NR2C1: variants seen among roughly 807,000 people sequenced by gnomAD.
NR2C1 encodes the protein nuclear receptor subfamily 2 group C member 1, also known as TR2 nuclear hormone receptor.
In NR2C1, 33 loss-of-function variants were observed where a neutral mutation model predicts 74.8. The observed-to-expected ratio is 0.44, with a 90% CI of 0.33 to 0.59. The LOEUF (loss-of-function observed/expected upper bound fraction) is 0.59, where lower values mean the gene tolerates loss of function less well. NR2C1 is among the 20% of genes least tolerant of loss of function. The probability of loss-of-function intolerance (pLI) is 0.02; values close to 1 mark genes in which losing one functional copy is unlikely to be tolerated. For synonymous variants in NR2C1, 225 were observed against 240.6 expected (o/e 0.94, Z 0.60); for missense variants, 568 against 715.6 (o/e 0.79, Z 2.35).
chr12:95,041,414 G>A (rs766968240), intron 9 of NR2C1, among the ~76,000 whole-genome samples: 14 of 152,114 alleles, frequency 9.2e-5, no homozygotes, highest in Non-Finnish European at 1.6e-4. Flanking sequence ...CCTGGGAAGT[G>A]GAGGTTGCAG....
intron 2 of NR2C1, among the ~76,000 whole-genome samples, chr12:95,065,885 G>A (rs1357014330): frequency 1.3e-5 from 2 of 151,706 alleles, no homozygotes; most frequent in Non-Finnish European, 2.9e-5. Flanking sequence ...GGGAGGCGGA[G>A]GTTGCAGTGA....
At chr12:95,070,693 T>G (rs1279867620) in intron 1 of NR2C1, among the ~76,000 whole-genome samples, 4 of 152,194 alleles carry the variant, frequency 2.6e-5, no homozygotes, top group Non-Finnish European at 5.9e-5. Flanking sequence ...TTTTAACCCC[T>G]TCCCTTGGTA....
chr12:95,060,513 G>C (rs995826995), intron 3 of NR2C1, among the ~76,000 whole-genome samples: 2 of 152,150 alleles, frequency 1.3e-5, no homozygotes, highest in African/African-American at 4.8e-5. Flanking sequence ...AAATTAGCTG[G>C]GTGTGGTGGA....
chr12:95,067,444 A>G lies in NR2C1; in HGVS notation c.-7-53T>C, dbSNP rs187723737. On this transcript the variant is annotated intron_variant, in intron 1 of 13. Coordinates refer to ENST00000333003, the MANE Select transcript of NR2C1 (RefSeq NM_003297.4). Reference sequence around the variant, plus strand: ...ATTAAACTCACAAAACACTCTTATTAAATAATTTACAAATAAAACTATATG... The same window carrying G: ...ATTAAACTCACAAAACACTCTTATTGAATAATTTACAAATAAAACTATATG... 16 of 1,252,678 alleles carry G rather than the reference A, an allele frequency of 1.3e-5. No individual in the cohort carries two copies. In the East Asian group the frequency reaches 2.7e-4, roughly 21 times the overall value. 77.6% of individuals were successfully genotyped at this position (1,252,678 alleles called of 1,614,324 possible).
intron 11 of NR2C1, among the ~76,000 whole-genome samples, chr12:95,029,860 C>T (rs1468981981): frequency 1.3e-5 from 2 of 151,946 alleles, no homozygotes; most frequent in Non-Finnish European, 2.9e-5. Flanking sequence ...CCCAACACCC[C>T]CCTCCCCACC....
At chr12:95,057,098 ATT>A (rs1184465413) in intron 7 of NR2C1, among the ~76,000 whole-genome samples, 15,480 of 110,450 alleles carry the variant, frequency 0.14, 706 homozygotes, top group Middle Eastern at 0.22. Flanking sequence ...AACATTTCTG[ATT>A]TTTTTTTTTT....
intron 10 of NR2C1, among the ~76,000 whole-genome samples, chr12:95,036,645 G>A (rs1870885454): frequency 6.6e-6 from 1 of 151,798 alleles, no homozygotes; most frequent in Non-Finnish European, 1.5e-5. Flanking sequence ...TGCGTAGCTG[G>A]GATTACAGGC....
chr12:95,073,148 C>A (rs1269452871), intron 1 of NR2C1: 1 of 153,338 alleles, frequency 6.5e-6, no homozygotes, highest in Non-Finnish European at 1.5e-5. Flanking sequence ...GTCCCGCCGC[C>A]CCTGTCGCCC....
At chr12:95,053,102 G>A (rs1247332397) in intron 7 of NR2C1, among the ~76,000 whole-genome samples, 2 of 151,780 alleles carry the variant, frequency 1.3e-5, no homozygotes, top group African/African-American at 4.8e-5. Context: ...TCCCACCTCA[G>A]CCTCCTGACT....
chr12:95,030,564 T>C, intron 11 of NR2C1: 8 of 1,613,056 alleles, frequency 5.0e-6, no homozygotes, highest in South Asian at 1.1e-5. Context: ...ATAAGTAAGA[T>C]GGGAATGTGA....
intron 12 of NR2C1, chr12:95,026,687 T>C (rs962219311): frequency 9.2e-5 from 14 of 152,234 alleles, no homozygotes; most frequent in African/African-American, 3.4e-4. Context: ...CAAGCTTTCA[T>C]GTTCTTACTG....
chr12:95,053,100 C>A (rs1592766912), intron 7 of NR2C1, among the ~76,000 whole-genome samples: 1 of 151,962 alleles, frequency 6.6e-6, no homozygotes, highest in Admixed American at 6.6e-5. Context: ...CTTCCCACCT[C>A]AGCCTCCTGA....
At chr12:95,030,789 T>G in intron 11 of NR2C1, 1 of 1,613,190 alleles carries the variant, frequency 6.2e-7, no homozygotes, top group Non-Finnish European at 8.5e-7. Flanking sequence ...TTTTGGGTAG[T>G]CATAAGCCAT....
chr12:95,024,098 A>G (rs778167134), intron 13 of NR2C1, among the ~76,000 whole-genome samples: 5 of 152,210 alleles, frequency 3.3e-5, no homozygotes, highest in Non-Finnish European at 4.4e-5. Context: ...AAACGAGTTA[A>G]AGTAAGGCTG....
chr12:95,068,564 G>A (rs1198745167), intron 1 of NR2C1, among the ~76,000 whole-genome samples: 4 of 152,270 alleles, frequency 2.6e-5, no homozygotes, highest in African/African-American at 9.6e-5. Flanking sequence ...GGAGGCCAAG[G>A]TGGGCTGATT....
chr12:95,050,205 T>C (rs1344238209), intron 8 of NR2C1, among the ~76,000 whole-genome samples: 2 of 152,148 alleles, frequency 1.3e-5, no homozygotes, highest in Non-Finnish European at 2.9e-5. Context: ...CTCAAAATAG[T>C]TCCCCATATT....
intron 8 of NR2C1, among the ~76,000 whole-genome samples, chr12:95,050,418 C>T (rs1355718461): frequency 2.0e-5 from 3 of 152,154 alleles, no homozygotes; most frequent in South Asian, 2.1e-4. Context: ...AAGCGGTTCT[C>T]CTGCCTCAGC....
chr12:95,040,928 A>T (rs982248252), intron 9 of NR2C1, among the ~76,000 whole-genome samples: 2 of 152,164 alleles, frequency 1.3e-5, no homozygotes, highest in Non-Finnish European at 2.9e-5. Context: ...CATACAACAA[A>T]TTCAGTTTAA....
intron 2 of NR2C1, among the ~76,000 whole-genome samples, chr12:95,065,672 C>T (rs1875577497): frequency 6.6e-6 from 1 of 152,048 alleles, no homozygotes; most frequent in South Asian, 2.1e-4. Flanking sequence ...TTATTATTGA[C>T]TGGGCGCAGG....
Sources: gnomAD v4.1 joint callset for allele counts (sites outside exome capture counted in the v4.1 genomes callset) on GRCh38, gnomAD v4.1.1 for gene constraint, MANE v1.5 for transcripts, NCBI Gene and HGNC (gene_info 2026-07-23, HGNC 2026-07-21) for gene names.